The following DNAH5 variants were observed in gnomAD, a reference collection of about 807,000 sequenced individuals.
DNAH5 encodes dynein axonemal heavy chain 5, also known as axonemal beta dynein heavy chain 5.
A neutral mutation model predicts 518.2 loss-of-function variants in DNAH5; 372 were observed. The ratio of observed to expected loss-of-function variants is 0.72; its 90% CI spans 0.66 to 0.78. The LOEUF (loss-of-function observed/expected upper bound fraction) is 0.78, where lower values mean the gene tolerates loss of function less well. Ranked by LOEUF, DNAH5 falls within the 30% of genes least tolerant of loss-of-function variation. DNAH5 has a pLI of 0.00. For missense variants in DNAH5, 5,523 were observed against 5,687.0 expected, an observed-to-expected ratio of 0.97 and a Z score of 0.93; for synonymous variants, 2,039 against 2,025.9, an observed-to-expected ratio of 1.01 and a Z score of -0.17.
At position 13,735,307 on chromosome 5, in the gene DNAH5, G is replaced by A. The variant is rs763954304; in HGVS notation, c.11585C>T (p.Pro3862Leu). ...ATTAGCAATCCTCTTGCTTGTAATC[G>A]GGCTCTTGACAGACCTGGTGAATAG... ...DLSLARSVKS[P>L]ITSKRIANII... The change falls in exon 68 of 79, where the codon CCG becomes CTG. Residue 3862 changes from proline to leucine, a missense_variant. Physicochemically the swap from Pro to Leu is moderately conservative, Grantham distance 98. Coordinates refer to ENST00000265104, the MANE Select transcript of DNAH5 (RefSeq NM_001369.3). The A allele has an allele frequency of 2.5e-5, 41 of 1,613,800 alleles. No individual in the cohort carries two copies. The highest frequency in any genetic ancestry group is 3.2e-5 in the Non-Finnish European group (38 of 1,179,948).
intron 68 of DNAH5, among the ~76,000 whole-genome samples, chr5:13,731,965 T>C (rs145080940): frequency 6.6e-6 from 1 of 152,192 alleles, no homozygotes; most frequent in African/African-American, 2.4e-5. Flanking sequence ...AGACTTCATC[T>C]CTACAAAAAA....
chr5:13,984,178 T>C (rs1269810648), intron 1 of DNAH5, among the ~76,000 whole-genome samples: 1 of 152,140 alleles, frequency 6.6e-6, no homozygotes, highest in Non-Finnish European at 1.5e-5. Flanking sequence ...GGAGCCAAGG[T>C]ATGCAGCCGC....
At chr5:13,736,843 T>C (rs1218533471) in intron 66 of DNAH5, among the ~76,000 whole-genome samples, 1 of 152,144 alleles carries the variant, frequency 6.6e-6, no homozygotes, top group Non-Finnish European at 1.5e-5. Context: ...GATAAAAATC[T>C]CCCAAGAGAC....
chr5:13,830,189 C>A lies in DNAH5; in HGVS notation c.6086G>T (p.Gly2029Val), dbSNP rs1763454468. 2 of 1,613,768 alleles carry A rather than the reference C, an allele frequency of 1.2e-6. No homozygotes were observed. Among genetic ancestry groups the A allele is most frequent in the African/African-American group, 1.3e-5 (1 of 74,934 alleles). ...AATACGGTTAAATTCATCAAAACAA[C>A]CCCAGGATCCAGACTGTGCCAGTCC... is the stretch of plus-strand genomic sequence containing the variant. ...FKGLAQSGSW[G>V]CFDEFNRIDL... The change falls in exon 37 of 79, where the codon GGT becomes GTT. Residue 2029 changes from glycine (G) to valine (V), a missense_variant. Physicochemically the swap from Gly to Val is moderately radical, Grantham distance 109. Transcript: ENST00000265104.
intron 76 of DNAH5, among the ~76,000 whole-genome samples, chr5:13,702,582 C>T (rs1019754526): frequency 6.6e-6 from 1 of 152,118 alleles, no homozygotes; most frequent in Non-Finnish European, 1.5e-5. Context: ...GGCCACTGAT[C>T]TGGAAGAATC....
chr5:14,005,997 C>G lies in DNAH5; in HGVS notation c.12+5651G>C, dbSNP rs117443409. 8.7e-3 allele frequency among the ~76,000 whole-genome samples: 1,326 copies of G among 152,262 alleles called. 13 individuals carry two copies. Among genetic ancestry groups the G allele is most frequent in the East Asian group, 0.065 (333 of 5,158 alleles). On this transcript the variant is annotated intron_variant, in intron 1 of 78. Coordinates refer to the DNAH5 transcript ENST00000681290. ...TCCATTCCTCAAGTCCTGATTCCTGCAGCCCCCTGTTCCAAACCCACCCCC... is the reference window on the plus strand; with the variant it reads ...TCCATTCCTCAAGTCCTGATTCCTGGAGCCCCCTGTTCCAAACCCACCCCC...
Position 13,876,817 on chromosome 5 carries a change from T to C in DNAH5, c.3263A>G (p.Asp1088Gly), listed in dbSNP as rs199885833. The change falls in exon 22 of 79, where the codon GAT (aspartate) becomes GGT (glycine). Residue 1088 changes from aspartate to glycine, a missense_variant and splice_region_variant. By Grantham distance (94) the Asp-to-Gly change is moderately conservative. Around this residue, in one of 3 missense-constraint regions of DNAH5, gnomAD observed 5,121 missense variants for 5,223.3 expected, o/e 0.98. Coordinates refer to ENST00000265104, the MANE Select transcript of DNAH5 (RefSeq NM_001369.3). Reference protein sequence around the residue: ...DVEMGENELQDTLEIASVNLP... With the variant: ...DVEMGENELQGTLEIASVNLP... ...ATTTACAGATGCTATCTCCAAGGTATCTAAAAAGAAAAAAAGAAGAGAAAA... is the reference window on the plus strand; with the variant it reads ...ATTTACAGATGCTATCTCCAAGGTACCTAAAAAGAAAAAAAGAAGAGAAAA... The C allele has an allele frequency of 1.9e-6, 3 of 1,613,158 alleles. No homozygotes were observed. The highest frequency in any genetic ancestry group is 2.2e-5 in the East Asian group (1 of 44,858).
intron 65 of DNAH5, among the ~76,000 whole-genome samples, chr5:13,741,316 C>G (rs6554810): frequency 0.52 from 79,632 of 151,944 alleles, 21,252 homozygotes; most frequent in South Asian, 0.58. Flanking sequence ...ATCAGGTCTG[C>G]GGACATTCGA....
intron 78 of DNAH5, among the ~76,000 whole-genome samples, chr5:13,694,460 T>C (rs1461908994): frequency 6.6e-6 from 1 of 152,090 alleles, no homozygotes; most frequent in East Asian, 1.9e-4. Flanking sequence ...AAGACAAAAA[T>C]AGGCATGCTA....
At chr5:13,882,639 T>A (rs567569420) in intron 21 of DNAH5, 89 bp downstream of exon 21, 1 of 1,008,902 alleles carries the variant, frequency 9.9e-7, no homozygotes, top group Admixed American at 2.0e-5. Context: ...TAAAATAAAT[T>A]GAGAATTACA....
chr5:13,727,744 C>A (rs1305578758), intron 69 of DNAH5, 88 bp from the exon 70 acceptor site: 1 of 1,404,236 alleles, frequency 7.1e-7, no homozygotes, highest in African/African-American at 1.4e-5. Context: ...AAACCTCTGA[C>A]CTCTCCAGAT....
In DNAH5 at chr5:13,791,991, T is replaced by G; in HGVS notation, c.8448+3A>C. The G allele has an allele frequency of 1.9e-6, 3 of 1,610,426 alleles. No homozygotes were observed. The highest frequency in any genetic ancestry group is 1.7e-6 in the Non-Finnish European group (2 of 1,177,140). On this transcript the variant is annotated splice_donor_region_variant and intron_variant, in intron 50 of 78. Coordinates refer to ENST00000265104, the MANE Select transcript of DNAH5 (RefSeq NM_001369.3). ...TTGTTTTTCTTTCTTCAGTGTCACT[T>G]ACATTTGGTTCCTTGATGACCTCTG...
rs561571137 is a variant in DNAH5 at position 13,766,212 on chromosome 5, A to G, written c.9898-33T>C. 3.1e-6 allele frequency: 5 copies of G among 1,610,742 alleles called. No individual in the cohort carries two copies. The South Asian group carries it at 5.5e-5, about 18-fold the overall frequency. The stretch of plus-strand genomic sequence containing the variant: ...ATGAAAGGAACGATCACCCAACCAC[A>G]GATAGGAAAGCACAGACAAGCAAAC... On this transcript the variant is annotated intron_variant, in intron 58 of 78. Coordinates refer to ENST00000265104, the MANE Select transcript of DNAH5 (RefSeq NM_001369.3).
upstream of DNAH5, among the ~76,000 whole-genome samples, chr5:13,945,762 C>T (rs998934590): frequency 4.6e-5 from 7 of 152,244 alleles, no homozygotes; most frequent in Admixed American, 4.6e-4. Flanking sequence ...AGTGTCACAA[C>T]ACGCGGCTAA....
At chr5:13,807,545 T>G (rs1484209943) in intron 47 of DNAH5, 46 bp downstream of exon 47, 1 of 1,597,876 alleles carries the variant, frequency 6.3e-7, no homozygotes, top group Admixed American at 1.7e-5. Context: ...GCCTCCAAAG[T>G]TTATCACAAA....
At chr5:13,889,333 C>G (rs1390049016) in intron 17 of DNAH5, among the ~76,000 whole-genome samples, 1 of 151,810 alleles carries the variant, frequency 6.6e-6, no homozygotes, top group Non-Finnish European at 1.5e-5. Flanking sequence ...TTAGGTGTAC[C>G]CACAGTTAGT....
intron 1 of DNAH5, among the ~76,000 whole-genome samples, chr5:13,991,459 AG>A (rs1381602798): frequency 7.0e-6 from 1 of 142,300 alleles, no homozygotes. Flanking sequence ...GGTAGGGATT[AG>A]GGGGAAGAAA....
rs927843324 is a variant in DNAH5, at chr5:13,729,310, G to A, written c.11883+129C>T. On this transcript the variant is annotated intron_variant, in intron 69 of 78. Coordinates refer to ENST00000265104, the MANE Select transcript of DNAH5 (RefSeq NM_001369.3). ...GTAAGTGTGCTTTCAAGAAGGTCAAGCACATGTAATACCATTTTAAGAGTG... is the reference window on the plus strand; with the variant it reads ...GTAAGTGTGCTTTCAAGAAGGTCAAACACATGTAATACCATTTTAAGAGTG... 24 of 1,261,890 alleles carry A rather than the reference G, an allele frequency of 1.9e-5. No individual in the cohort carries two copies. The African/African-American group carries it at 2.5e-4, about 13-fold the overall frequency. 78.2% of individuals were successfully genotyped at this position (1,261,890 alleles called of 1,614,324 possible). A position where few individuals can be genotyped will look rare whatever the true frequency, so the allele number is the denominator to read the frequency against.
intron 19 of DNAH5, among the ~76,000 whole-genome samples, chr5:13,884,339 T>C (rs1276004073): frequency 6.6e-6 from 1 of 152,256 alleles, no homozygotes; most frequent in Non-Finnish European, 1.5e-5. Flanking sequence ...AAAATAATTT[T>C]ATATTTTTTC....
Sources: gnomAD v4.1 joint callset for allele counts (sites outside exome capture counted in the v4.1 genomes callset) on GRCh38, gnomAD v4.1.1 for gene constraint, gnomAD v4.1.1 regional missense constraint, MANE v1.5 for transcripts, NCBI Gene and HGNC (gene_info 2026-07-23, HGNC 2026-07-21) for gene names.